Variants in SMG6 observed in about 807,000 individuals in gnomAD.
SMG6 encodes telomerase-binding protein EST1A.
Under a neutral mutation model 142.2 loss-of-function variants are expected in SMG6, and 66 were observed. The ratio of observed to expected loss-of-function variants is 0.46; its 90% CI spans 0.38 to 0.57. The LOEUF (loss-of-function observed/expected upper bound fraction) is 0.57, where lower values mean the gene tolerates loss of function less well. SMG6 is among the 20% of genes least tolerant of loss of function. The pLI is 0.00. For synonymous variants in SMG6, 779 were observed against 702.4 expected, an observed-to-expected ratio of 1.11 and a Z score of -1.72; for missense variants, 1,793 against 1,832.0, an observed-to-expected ratio of 0.98 and a Z score of 0.39.
chr17:2,103,983 G>C (rs1175989707), intron 13 of SMG6, among the ~76,000 whole-genome samples: 1 of 143,626 alleles, frequency 7.0e-6, no homozygotes, highest in South Asian at 2.2e-4. Flanking sequence ...TTGGAATCTT[G>C]TTCTGTAGCC....
chr17:2,210,967 C>G (rs1057302658), intron 10 of SMG6, among the ~76,000 whole-genome samples: 2 of 151,870 alleles, frequency 1.3e-5, no homozygotes, highest in African/African-American at 4.8e-5. Context: ...CTTTCAAGAG[C>G]ATTCCCAAGG....
Position 2,299,241 on chromosome 17 carries a change from A to G in SMG6, c.1512T>C (p.Ser504=), listed in dbSNP as rs758172421. ...AQASYYKFQN[S]DNPYYYPRTP... is the part of the protein sequence containing the mutation. ...TCCGGGGGTAATAATAGGGGTTGTCAGAGTTTTGAAACTTATAGTAAGATG... is the reference window on the plus strand; with the variant it reads ...TCCGGGGGTAATAATAGGGGTTGTCGGAGTTTTGAAACTTATAGTAAGATG... The change falls in exon 2 of 19, where the codon TCT becomes TCC. Residue 504 remains serine (S), a synonymous_variant. Coordinates refer to ENST00000263073, the MANE Select transcript of SMG6 (RefSeq NM_017575.5). The surrounding 1 kb of genome is among the most constrained non-coding windows in gnomAD (Gnocchi z 4.3). 1 of 1,614,090 alleles carries G rather than the reference A, an allele frequency of 6.2e-7. No individual in the cohort carries two copies. The highest frequency in any genetic ancestry group is 1.1e-5 in the South Asian group (1 of 91,090).
intron 10 of SMG6, among the ~76,000 whole-genome samples, chr17:2,219,796 C>G (rs1251510324): frequency 1.8e-5 from 2 of 112,320 alleles, no homozygotes; most frequent in Non-Finnish European, 3.6e-5. Context: ...AGAACAAGAC[C>G]CTTTATCAAA....
At chr17:2,152,862 G>A (rs1006566117) in intron 13 of SMG6, among the ~76,000 whole-genome samples, 1 of 152,128 alleles carries the variant, frequency 6.6e-6, no homozygotes, top group African/African-American at 2.4e-5. Flanking sequence ...TTTAAGAAAC[G>A]TAAAGACTGA....
intron 18 of SMG6, among the ~76,000 whole-genome samples, chr17:2,063,816 G>A (rs1334394419): frequency 5.9e-5 from 9 of 152,010 alleles, no homozygotes; most frequent in African/African-American, 1.7e-4. Context: ...AAGGGGCTGT[G>A]GTGGGCAGAG....
At chr17:2,273,495 T>C (rs1298456699) in intron 8 of SMG6, among the ~76,000 whole-genome samples, 1 of 152,134 alleles carries the variant, frequency 6.6e-6, no homozygotes, top group Non-Finnish European at 1.5e-5. Context: ...TAGCCAGGCA[T>C]GGTGGCGGGT....
intron 13 of SMG6, among the ~76,000 whole-genome samples, chr17:2,116,026 C>T (rs1204774199): frequency 2.0e-5 from 3 of 151,976 alleles, no homozygotes; most frequent in East Asian, 1.9e-4. Context: ...AAATAAGACA[C>T]AAAAAGCACT....
chr17:2,195,599 C>T (rs2072300294), intron 10 of SMG6, among the ~76,000 whole-genome samples: 2 of 152,198 alleles, frequency 1.3e-5, no homozygotes, highest in South Asian at 4.1e-4. Context: ...GGCACACTTG[C>T]CTCTCTCACT....
intron 10 of SMG6, chr17:2,233,288 C>T (rs1039378961): frequency 3.3e-5 from 5 of 152,258 alleles, no homozygotes; most frequent in Admixed American, 1.3e-4. Context: ...CCACAGAGTC[C>T]GGAAACTGAC....
Position 2,299,135 on chromosome 17 carries a change from G to A in SMG6, c.1618C>T (p.Pro540Ser), listed in dbSNP as rs1567761713. 5 of 1,613,542 alleles carry A rather than the reference G, an allele frequency of 3.1e-6. No homozygotes were observed. Among genetic ancestry groups the A allele is most frequent in the Non-Finnish European group, 3.4e-6 (4 of 1,179,608 alleles). The change falls in exon 2 of 19, where the codon CCA becomes TCA. Residue 540 changes from proline (P) to serine (S), a missense_variant. This residue lies in a region of SMG6 where 1,597 missense variants were observed against 1,584.6 expected (regional missense o/e 1.01). Transcript: ENST00000263073. The surrounding 1 kb of genome is among the most constrained non-coding windows in gnomAD (Gnocchi z 4.3). ...GGGTAGCCTGGGTAGTAAGGCCCTGGGTACACACCATTCGTAGGGCCCACT... is the reference window on the plus strand; with the variant it reads ...GGGTAGCCTGGGTAGTAAGGCCCTGAGTACACACCATTCGTAGGGCCCACT... ...YPVGPTNGVY[P>S]GPYYPGYPTP...
intron 13 of SMG6, among the ~76,000 whole-genome samples, chr17:2,104,302 G>C (rs1221287273): frequency 6.6e-6 from 1 of 152,038 alleles, no homozygotes; most frequent in Non-Finnish European, 1.5e-5. Context: ...CACCATGTTG[G>C]CCAGGCAGGT....
At chr17:2,212,449 G>A (rs1164182022) in intron 10 of SMG6, among the ~76,000 whole-genome samples, 3 of 152,146 alleles carry the variant, frequency 2.0e-5, no homozygotes, top group Non-Finnish European at 4.4e-5. Context: ...CAATCGATCA[G>A]GACTGCAGTG....
At chr17:2,215,463 T>G (rs905044225) in intron 10 of SMG6, 36 of 152,162 alleles carry the variant, frequency 2.4e-4, no homozygotes, top group African/African-American at 8.7e-4. Context: ...ACATGAAAAA[T>G]TGAAAACTAC....
intron 9 of SMG6, among the ~76,000 whole-genome samples, chr17:2,242,689 T>TAAAAAAAAAAAAAA (rs57079220): frequency 2.9e-4 from 16 of 55,850 alleles, no homozygotes; most frequent in East Asian, 1.0e-3. Flanking sequence ...TCCATCTCTT[T>TAAAAAAAAAAAAAA]AAAAAAAAAA....
chr17:2,280,912 G>A (rs947046650), intron 8 of SMG6, among the ~76,000 whole-genome samples: 5 of 152,044 alleles, frequency 3.3e-5, no homozygotes, highest in South Asian at 2.1e-4. Flanking sequence ...AGTCTCCATC[G>A]CTACAAAAAA....
In SMG6 at chr17:2,156,998, A is replaced by T. The variant is rs9916824; in HGVS notation, c.3357+15660T>A. 3.5e-3 allele frequency among the ~76,000 whole-genome samples: 536 copies of T among 152,282 alleles called. 3 individuals are homozygous for T. The highest frequency in any genetic ancestry group is 0.012 in the African/African-American group (488 of 41,558). ...TTTGCTAACAGTAAGGGAAGGGTTTAAAAAAGTGTTTGTATGTATCTCAGC... is the reference window on the plus strand; with the variant it reads ...TTTGCTAACAGTAAGGGAAGGGTTTTAAAAAGTGTTTGTATGTATCTCAGC... On this transcript the variant is annotated intron_variant, in intron 13 of 18. Transcript: ENST00000263073.
At chr17:2,208,968 T>C (rs924655395) in intron 10 of SMG6, among the ~76,000 whole-genome samples, 15 of 152,014 alleles carry the variant, frequency 9.9e-5, no homozygotes, top group Non-Finnish European at 2.1e-4. Context: ...TTGCCTGAGC[T>C]CAGGAATTCA....
intron 13 of SMG6, among the ~76,000 whole-genome samples, chr17:2,162,328 T>C (rs1037858590): frequency 2.6e-5 from 4 of 151,624 alleles, no homozygotes; most frequent in East Asian, 1.9e-4. Context: ...CTGGCTAACA[T>C]GGTGAAACCC....
intron 18 of SMG6, 178 bp from the exon 19 acceptor site, chr17:2,061,800 G>C: frequency 1.5e-6 from 1 of 658,560 alleles, no homozygotes; most frequent in Non-Finnish European, 2.6e-6. Context: ...TCCCCTGCTG[G>C]CCTAGAGAGG....
Sources: gnomAD v4.1 joint callset for allele counts (sites outside exome capture counted in the v4.1 genomes callset) on GRCh38, gnomAD v4.1.1 for gene constraint, gnomAD v4.1.1 regional missense constraint, Gnocchi (gnomAD v3.1) non-coding constraint, MANE v1.5 for transcripts, NCBI Gene and HGNC (gene_info 2026-07-23, HGNC 2026-07-21) for gene names.